PEX14: variants seen among roughly 807,000 people sequenced by gnomAD.
PEX14 encodes peroxisomal membrane protein PEX14.
PEX14 carries 15 observed loss-of-function variants against 49.5 expected under a neutral mutation model. That is an observed-to-expected ratio of 0.30 (90% confidence interval 0.20 to 0.47). The LOEUF is 0.47. PEX14 is among the 20% of genes least tolerant of loss of function. PEX14 has a pLI of 1.00. For synonymous variants in PEX14, 210 were observed against 212.7 expected, an observed-to-expected ratio of 0.99 and a Z score of 0.11; for missense variants, 398 against 494.8, an observed-to-expected ratio of 0.80 and a Z score of 1.86.
chr1:10,553,380 C>CG (rs1639390403), intron 3 of PEX14, among the ~76,000 whole-genome samples: 1 of 152,064 alleles, frequency 6.6e-6, no homozygotes, highest in South Asian at 2.1e-4. Flanking sequence ...GAGGGAGGTG[C>CG]GGGGGACCCT....
At chr1:10,620,571 T>C (rs757771635) in intron 5 of PEX14, among the ~76,000 whole-genome samples, 24 of 152,056 alleles carry the variant, frequency 1.6e-4, no homozygotes, top group Non-Finnish European at 2.5e-4. Flanking sequence ...GCGGATCACT[T>C]GAGGTCAGGA....
rs572582884 is a variant in PEX14, at chr1:10,476,771, G to A, written c.36+1769G>A. On this transcript the variant is annotated intron_variant, in intron 1 of 8. Transcript: ENST00000356607. ...CTCCCAAAGTGCTGAGATTATATGC[G>A]TGAGCCACCGTGCCCGGCTCTGTTC... 3.3e-5 allele frequency among the ~76,000 whole-genome samples: 5 copies of A among 152,212 alleles called. No individual in the cohort carries two copies. In the South Asian group the frequency reaches 6.2e-4, roughly 19 times the overall value.
chr1:10,580,826 A>C (rs986694800), intron 3 of PEX14, among the ~76,000 whole-genome samples: 11 of 151,786 alleles, frequency 7.2e-5, no homozygotes, highest in African/African-American at 2.7e-4. Flanking sequence ...TTTATTCATC[A>C]AGTTCATATG....
Position 10,529,286 on chromosome 1 carries a change from C to G in PEX14, c.85-6927C>G, listed in dbSNP as rs375984447. Among the ~76,000 whole-genome samples, 67 of 152,306 alleles carry G rather than the reference C, an allele frequency of 4.4e-4. No homozygotes were observed. The highest frequency in any genetic ancestry group is 1.3e-3 in the African/African-American group (54 of 41,566). ...ACAGCTCCTTCTGTGGCGTGGTGACCGTCACCCGCTGCATCAGCAGCTCTG... is the reference window on the plus strand; with the variant it reads ...ACAGCTCCTTCTGTGGCGTGGTGACGGTCACCCGCTGCATCAGCAGCTCTG... On this transcript the variant is annotated intron_variant, in intron 2 of 8. Transcript: ENST00000356607. This position sits in a 1 kb window ranked among gnomAD's most constrained non-coding sequence, Gnocchi z 4.2.
chr1:10,539,286 T>C lies in PEX14; in HGVS notation c.169+2989T>C, dbSNP rs1638932578. Among the ~76,000 whole-genome samples the C allele has an allele frequency of 1.3e-5, 2 of 152,166 alleles. No individual in the cohort carries two copies. Among genetic ancestry groups the C allele is most frequent in the Admixed American group, 1.3e-4 (2 of 15,280 alleles). On this transcript the variant is annotated intron_variant, in intron 3 of 8. Coordinates refer to ENST00000356607, the MANE Select transcript of PEX14 (RefSeq NM_004565.3). The surrounding 1 kb of genome is among the most constrained non-coding windows in gnomAD (Gnocchi z 4.6). ...CTGTTACTTTTTTTTTGTTTTTTGT[T>C]TTGAGATCTCTTTCGGATGCTTTAA...
At chr1:10,600,294 G>A (rs1640945715) in intron 4 of PEX14, among the ~76,000 whole-genome samples, 1 of 152,016 alleles carries the variant, frequency 6.6e-6, no homozygotes, top group Non-Finnish European at 1.5e-5. Flanking sequence ...GGTGGCAGGC[G>A]CCTGTAATCC....
rs933550765 is a variant in PEX14, at chr1:10,514,241, G to A, written c.84+18920G>A. Among the ~76,000 whole-genome samples, 6 of 151,418 alleles carry A rather than the reference G, an allele frequency of 4.0e-5. No homozygotes were observed. The highest frequency in any genetic ancestry group is 4.4e-5 in the Non-Finnish European group (3 of 67,832). ...CAGAGTCACCTTCTAAAACAGCAGT[G>A]AGAAACTTCTGTCATCCTTTCTCCC... On this transcript the variant is annotated intron_variant, in intron 2 of 8. Coordinates refer to ENST00000356607, the MANE Select transcript of PEX14 (RefSeq NM_004565.3). This position sits in a 1 kb window ranked among gnomAD's most constrained non-coding sequence, Gnocchi z 4.4.
chr1:10,475,263 C>T (rs2124357896), intron 1 of PEX14, among the ~76,000 whole-genome samples: 1 of 152,216 alleles, frequency 6.6e-6, no homozygotes, highest in East Asian at 1.9e-4. Flanking sequence ...CTGCCAGCAC[C>T]TCTGGTCCCA....
intron 1 of PEX14, among the ~76,000 whole-genome samples, chr1:10,480,280 G>A (rs1031426210): frequency 1.3e-5 from 2 of 151,360 alleles, no homozygotes; most frequent in South Asian, 2.1e-4. Flanking sequence ...GCTCAATCTC[G>A]GCTCACTGCA....
intron 3 of PEX14, among the ~76,000 whole-genome samples, chr1:10,573,101 A>G (rs1165192708): frequency 1.3e-5 from 2 of 152,228 alleles, no homozygotes; most frequent in African/African-American, 4.8e-5. Context: ...TGACAGCACT[A>G]AACAATGGGA....
intron 3 of PEX14, among the ~76,000 whole-genome samples, chr1:10,551,236 A>T (rs1248719564): frequency 6.6e-6 from 1 of 152,200 alleles, no homozygotes; most frequent in Non-Finnish European, 1.5e-5. Flanking sequence ...GCTTTATTGA[A>T]TTTCGCCAAA....
intron 5 of PEX14, among the ~76,000 whole-genome samples, chr1:10,619,000 G>T (rs770388929): frequency 2.0e-5 from 3 of 152,208 alleles, no homozygotes; most frequent in Admixed American, 2.0e-4. Flanking sequence ...TAAGAGCGGC[G>T]GTGAGAACCT....
chr1:10,528,284 C>T (rs1638550302), intron 2 of PEX14: 1 of 981,424 alleles, frequency 1.0e-6, no homozygotes, highest in Non-Finnish European at 1.2e-6. Flanking sequence ...CTTCACCAAT[C>T]TCCATCTGGC....
intron 4 of PEX14, among the ~76,000 whole-genome samples, chr1:10,611,648 C>T (rs1014280528): frequency 6.6e-6 from 1 of 152,118 alleles, no homozygotes; most frequent in African/African-American, 2.4e-5. Context: ...TGTCAACACC[C>T]GATAGTCTCA....
At chr1:10,584,417 T>C (rs1332036304) in intron 3 of PEX14, among the ~76,000 whole-genome samples, 1 of 152,220 alleles carries the variant, frequency 6.6e-6, no homozygotes. Context: ...AACTTCTTGA[T>C]TTTGATAATT....
intron 3 of PEX14, among the ~76,000 whole-genome samples, chr1:10,578,718 A>G (rs535907058): frequency 6.6e-6 from 1 of 152,312 alleles, no homozygotes; most frequent in Non-Finnish European, 1.5e-5. Flanking sequence ...TGCAGTGGAG[A>G]TAAGGAAGTT....
chr1:10,614,879 G>C (rs1374042199), intron 4 of PEX14, among the ~76,000 whole-genome samples: 2 of 152,198 alleles, frequency 1.3e-5, no homozygotes, highest in African/African-American at 4.8e-5. Flanking sequence ...CTAGATGTCA[G>C]GTTTTGTATC....
intron 2 of PEX14, among the ~76,000 whole-genome samples, chr1:10,534,356 T>C (rs908624865): frequency 2.0e-5 from 3 of 152,068 alleles, no homozygotes; most frequent in Non-Finnish European, 2.9e-5. Context: ...CCGTTGGTTT[T>C]TCTGCTTGTC....
chr1:10,487,268 A>G (rs1483238859), intron 1 of PEX14, among the ~76,000 whole-genome samples: 1 of 149,810 alleles, frequency 6.7e-6, no homozygotes, highest in Non-Finnish European at 1.5e-5. Flanking sequence ...TTGTATGTGG[A>G]TGTGTAAAAT....
Sources: allele counts gnomAD v4.1 joint callset (sites outside exome capture counted in the v4.1 genomes callset), GRCh38; gene constraint gnomAD v4.1.1; non-coding constraint Gnocchi (gnomAD v3.1); transcripts MANE v1.5; gene names NCBI Gene and HGNC (gene_info 2026-07-23, HGNC 2026-07-21).